The following PPTC7 variants were observed in gnomAD, a reference collection of about 807,000 sequenced individuals.
The protein encoded by PPTC7 is protein phosphatase targeting COQ7.
Under a neutral mutation model 30.8 loss-of-function variants are expected in PPTC7, and 6 were observed. The ratio of observed to expected loss-of-function variants is 0.19; its 90% CI spans 0.11 to 0.38. The LOEUF is 0.38. PPTC7 is among the 10% of genes least tolerant of loss of function. The pLI is 1.00. For missense variants in PPTC7, 218 were observed against 404.8 expected (o/e 0.54, Z 3.96); for synonymous variants, 163 against 168.1 (o/e 0.97, Z 0.23).
intron 4 of PPTC7, among the ~76,000 whole-genome samples, chr12:110,539,109 C>T (rs910479848): frequency 2.0e-5 from 3 of 152,170 alleles, no homozygotes; most frequent in Non-Finnish European, 2.9e-5. Flanking sequence ...CAAGGCGTGG[C>T]GCTAAGGAGT....
At chr12:110,563,706 G>A (rs913749360) in intron 1 of PPTC7, among the ~76,000 whole-genome samples, 12 of 152,034 alleles carry the variant, frequency 7.9e-5, no homozygotes, top group Admixed American at 7.9e-4. Context: ...TTGTGTTTGA[G>A]AATTCCAAAC....
chr12:110,581,883 C>A (rs933031973), intron 1 of PPTC7, among the ~76,000 whole-genome samples: 1 of 152,248 alleles, frequency 6.6e-6, no homozygotes, highest in Non-Finnish European at 1.5e-5. Context: ...ACACGTCCTT[C>A]AATTTCAAAG....
At chr12:110,565,165 C>A (rs1241128994) in intron 1 of PPTC7, among the ~76,000 whole-genome samples, 1 of 151,892 alleles carries the variant, frequency 6.6e-6, no homozygotes, top group Non-Finnish European at 1.5e-5. Flanking sequence ...CCACGCCTGG[C>A]CTATATTTTT....
At chr12:110,548,482 G>A (rs559076133) in intron 2 of PPTC7, among the ~76,000 whole-genome samples, 6 of 152,162 alleles carry the variant, frequency 3.9e-5, no homozygotes, top group Non-Finnish European at 8.8e-5. Context: ...CTCACTGGTA[G>A]TGCTGTCAGA....
At chr12:110,562,149 G>C (rs1053243332) in intron 1 of PPTC7, among the ~76,000 whole-genome samples, 11 of 151,758 alleles carry the variant, frequency 7.2e-5, no homozygotes, top group Non-Finnish European at 1.5e-4. Context: ...GCCATGCCTG[G>C]TGGCGCATGC....
chr12:110,571,039 G>A (rs1257631465), intron 1 of PPTC7, among the ~76,000 whole-genome samples: 1 of 152,280 alleles, frequency 6.6e-6, no homozygotes, highest in Non-Finnish European at 1.5e-5. Flanking sequence ...TCTCTAGGGT[G>A]AAGGTACGCT....
intron 1 of PPTC7, among the ~76,000 whole-genome samples, chr12:110,563,589 T>A (rs1215575260): frequency 6.6e-6 from 1 of 151,002 alleles, no homozygotes; most frequent in Non-Finnish European, 1.5e-5. Context: ...CACGCCAGCC[T>A]GGGCAACAAG....
Position 110,536,811 on chromosome 12 carries a change from C to A in PPTC7, c.*226G>T, listed in dbSNP as rs1054076699. On this transcript the variant is annotated 3_prime_UTR_variant, in exon 6 of 6. Coordinates refer to ENST00000354300, the MANE Select transcript of PPTC7 (RefSeq NM_139283.2). ...AGAACATCGAGAAATGAAGGCCAAT[C>A]TTCAAATATTGGATCTCTTCAATTG... 141 of 464,486 alleles carry A rather than the reference C, an allele frequency of 3.0e-4. 2 individuals carry two copies. In the East Asian group the frequency reaches 4.7e-3, roughly 16 times the overall value. 28.8% of individuals were successfully genotyped at this position (464,486 alleles called of 1,614,324 possible).
At chr12:110,579,504 G>A (rs2064618440) in intron 1 of PPTC7, among the ~76,000 whole-genome samples, 1 of 152,174 alleles carries the variant, frequency 6.6e-6, no homozygotes. Context: ...TGGACCTCCA[G>A]GTGGTATCAG....
intron 1 of PPTC7, among the ~76,000 whole-genome samples, chr12:110,556,270 G>A (rs1306399319): frequency 6.6e-6 from 1 of 152,138 alleles, no homozygotes; most frequent in Non-Finnish European, 1.5e-5. Context: ...CTTTAGGGGA[G>A]AGAGAAATTC....
At position 110,534,391 on chromosome 12, in the gene PPTC7, A is replaced by G. The variant is rs1302840222; in HGVS notation, c.*2646T>C. ...TTCTTTTGTTATAAAAGTCCATTAC[A>G]TGAGGCGTGTGTGTGTGTGTGTGTT... On this transcript the variant is annotated 3_prime_UTR_variant, in exon 6 of 6. Transcript: ENST00000354300. 1 of 152,066 alleles carries G rather than the reference A, an allele frequency of 6.6e-6. No individual in the cohort carries two copies. The highest frequency in any genetic ancestry group is 1.5e-5 in the Non-Finnish European group (1 of 68,008). 9.4% of individuals were successfully genotyped at this position (152,066 alleles called of 1,614,324 possible). A position where few individuals can be genotyped will look rare whatever the true frequency, so the allele number is the denominator to read the frequency against.
intron 1 of PPTC7, among the ~76,000 whole-genome samples, chr12:110,580,095 G>A (rs2064624575): frequency 6.6e-6 from 1 of 151,926 alleles, no homozygotes. Flanking sequence ...AGTCACTAAG[G>A]GTCAGATCGT....
chr12:110,552,531 G>A lies in PPTC7; in HGVS notation c.224-563C>T, dbSNP rs530734370. 1.9e-3 allele frequency among the ~76,000 whole-genome samples: 292 copies of A among 152,288 alleles called. 1 individual carries two copies. The highest frequency in any genetic ancestry group is 3.3e-3 in the Non-Finnish European group (227 of 68,014). Reference sequence around the variant, plus strand: ...TTCCTTACATGGTTACTGAGCACCCGAAATGAGGGAAGCCCAACTTGAGAC... The same window carrying A: ...TTCCTTACATGGTTACTGAGCACCCAAAATGAGGGAAGCCCAACTTGAGAC... On this transcript the variant is annotated intron_variant, in intron 1 of 5. Transcript: ENST00000354300.
At chr12:110,572,647 T>C (rs2064547936) in intron 1 of PPTC7, among the ~76,000 whole-genome samples, 1 of 152,136 alleles carries the variant, frequency 6.6e-6, no homozygotes, top group African/African-American at 2.4e-5. Context: ...TGGCAAAGTT[T>C]TTGCAGTCAT....
intron 1 of PPTC7, among the ~76,000 whole-genome samples, chr12:110,566,739 T>C (rs968555362): frequency 6.6e-6 from 1 of 152,160 alleles, no homozygotes; most frequent in Non-Finnish European, 1.5e-5. Context: ...CAAAAGACAA[T>C]GCCCACTCAG....
At chr12:110,581,170 C>T (rs2064634054) in intron 1 of PPTC7, among the ~76,000 whole-genome samples, 2 of 152,092 alleles carry the variant, frequency 1.3e-5, no homozygotes, top group Admixed American at 6.5e-5. Flanking sequence ...GCACCTTGGG[C>T]GGCCGAGGCG....
chr12:110,547,352 C>T (rs1288761520), intron 2 of PPTC7, among the ~76,000 whole-genome samples: 1 of 152,176 alleles, frequency 6.6e-6, no homozygotes, highest in Non-Finnish European at 1.5e-5. Flanking sequence ...ACTACTTAAC[C>T]TCTCTGTGCC....
intron 1 of PPTC7, among the ~76,000 whole-genome samples, chr12:110,577,925 A>C (rs995577520): frequency 1.1e-4 from 16 of 152,228 alleles, no homozygotes; most frequent in East Asian, 5.8e-4. Context: ...ACACACACAC[A>C]CCCAGGAAAA....
At chr12:110,562,205 A>G (rs1368718432) in intron 1 of PPTC7, among the ~76,000 whole-genome samples, 2 of 144,582 alleles carry the variant, frequency 1.4e-5, no homozygotes, top group Non-Finnish European at 3.0e-5. Context: ...GAATCGTTTG[A>G]ACCCAGGAGG....
Sources: gnomAD v4.1 joint callset for allele counts (sites outside exome capture counted in the v4.1 genomes callset) on GRCh38, gnomAD v4.1.1 for gene constraint, MANE v1.5 for transcripts, NCBI Gene and HGNC (gene_info 2026-07-23, HGNC 2026-07-21) for gene names.